Variants in ARPP21 observed in about 807,000 individuals in gnomAD.
The protein encoded by ARPP21 is cAMP regulated phosphoprotein 21.
ARPP21 carries 69 observed loss-of-function variants against 113.2 expected under a neutral mutation model. The observed-to-expected ratio is 0.61, with a 90% CI of 0.50 to 0.74. The LOEUF is 0.74. Among genes scored for constraint, ARPP21 ranks in the 30% least tolerant of loss-of-function variants. The probability of loss-of-function intolerance (pLI) is 0.00; values close to 1 mark genes in which losing one functional copy is unlikely to be tolerated. For synonymous variants in ARPP21, 368 were observed against 375.5 expected (o/e 0.98, Z 0.23); for missense variants, 1,070 against 1,037.4 (o/e 1.03, Z -0.43).
intron 19 of ARPP21, among the ~76,000 whole-genome samples, chr3:35,753,544 T>C (rs2095473021): frequency 6.6e-6 from 1 of 151,978 alleles, no homozygotes; most frequent in Non-Finnish European, 1.5e-5. Flanking sequence ...GGCAGCTCTT[T>C]CCTTCAATCA....
chr3:35,656,843 C>T (rs1559524489), intron 1 of ARPP21, among the ~76,000 whole-genome samples: 2 of 152,026 alleles, frequency 1.3e-5, no homozygotes, highest in African/African-American at 2.4e-5. Context: ...GGCAGAATTA[C>T]ACTACCATTT....
chr3:35,771,699 G>A (rs1429757735), intron 19 of ARPP21, among the ~76,000 whole-genome samples: 2 of 152,110 alleles, frequency 1.3e-5, no homozygotes, highest in Non-Finnish European at 2.9e-5. Flanking sequence ...GGCACCTATT[G>A]TGTGCAGGCA....
intron 1 of ARPP21, among the ~76,000 whole-genome samples, chr3:35,640,702 C>T (rs1482939132): frequency 6.6e-6 from 1 of 152,148 alleles, no homozygotes; most frequent in South Asian, 2.1e-4. Context: ...GTTTGCAATG[C>T]TCTTTTTGAA....
chr3:35,772,808 C>T (rs1278190009), intron 19 of ARPP21, among the ~76,000 whole-genome samples: 1 of 152,144 alleles, frequency 6.6e-6, no homozygotes, highest in Non-Finnish European at 1.5e-5. Context: ...AACAGCTGCA[C>T]AGGCTTGCCT....
chr3:35,714,854 C>T (rs779175936), intron 11 of ARPP21: 4 of 151,364 alleles, frequency 2.6e-5, no homozygotes, highest in Admixed American at 6.6e-5. Flanking sequence ...TTTTAATTAG[C>T]GTATTTTCAT....
chr3:35,748,456 GAAA>G (rs1407847786), intron 19 of ARPP21, among the ~76,000 whole-genome samples: 3 of 137,460 alleles, frequency 2.2e-5, no homozygotes, highest in African/African-American at 2.7e-5. Context: ...AGAAAAGAAA[GAAA>G]AAGAAAGAGA....
chr3:35,671,211 C>A (rs2076266574), intron 1 of ARPP21, among the ~76,000 whole-genome samples: 1 of 152,006 alleles, frequency 6.6e-6, no homozygotes, highest in Non-Finnish European at 1.5e-5. Flanking sequence ...ACTTTTCCTG[C>A]AGTACATCCA....
At chr3:35,789,701 T>G (rs560190824) in intron 19 of ARPP21, among the ~76,000 whole-genome samples, 1 of 152,322 alleles carries the variant, frequency 6.6e-6, no homozygotes, top group African/African-American at 2.4e-5. Flanking sequence ...GCATCTGGGC[T>G]GGCAGCAAAG....
intron 17 of ARPP21, 83 bp from the exon 18 acceptor site, chr3:35,739,234 T>A (rs1379004842): frequency 6.8e-6 from 10 of 1,480,564 alleles, no homozygotes; most frequent in Non-Finnish European, 9.2e-6. Context: ...ACTCCAAGAA[T>A]GTGTCCTGTG....
At chr3:35,745,751 G>A (rs2094996407) in intron 19 of ARPP21, among the ~76,000 whole-genome samples, 1 of 152,094 alleles carries the variant, frequency 6.6e-6, no homozygotes, top group Non-Finnish European at 1.5e-5. Flanking sequence ...AATATATGAG[G>A]CATTTTTTAC....
intron 1 of ARPP21, among the ~76,000 whole-genome samples, chr3:35,673,014 G>GTCA (rs2076715651): frequency 6.6e-6 from 1 of 151,964 alleles, no homozygotes; most frequent in African/African-American, 2.4e-5. Context: ...AATCTACGTA[G>GTCA]AAAACTCAGT....
In ARPP21 at chr3:35,728,970, G is replaced by T. The variant is rs2093753052; in HGVS notation, c.1226-333G>T. ...CATTTCCATGGTACTAACTACTTGGGGATATAGGAGGGATTTTTCAGGTAC... is the reference window on the plus strand; with the variant it reads ...CATTTCCATGGTACTAACTACTTGGTGATATAGGAGGGATTTTTCAGGTAC... On this transcript the variant is annotated intron_variant, in intron 14 of 20. Transcript: ENST00000684406. 2.6e-5 allele frequency among the ~76,000 whole-genome samples: 4 copies of T among 152,120 alleles called. No individual in the cohort carries two copies. In the South Asian group the frequency reaches 8.3e-4, roughly 32 times the overall value.
intron 19 of ARPP21, among the ~76,000 whole-genome samples, chr3:35,784,680 T>C (rs1440103462): frequency 6.6e-6 from 1 of 152,094 alleles, no homozygotes; most frequent in Non-Finnish European, 1.5e-5. Context: ...AGAACAATAT[T>C]ATTGTTAAAC....
chr3:35,658,962 A>G (rs1706351020), intron 1 of ARPP21, among the ~76,000 whole-genome samples: 1 of 152,174 alleles, frequency 6.6e-6, no homozygotes, highest in Admixed American at 6.6e-5. Context: ...TGTTTTAACT[A>G]AGATGCTCTA....
chr3:35,689,382 C>G lies in ARPP21; in HGVS notation c.482C>G (p.Ser161Cys). ...CTGATTAACACATTAAAGAATAATTCCAGGTAAATTATTAAATGAGCCTCT... is the reference window on the plus strand; with the variant it reads ...CTGATTAACACATTAAAGAATAATTGCAGGTAAATTATTAAATGAGCCTCT... Reference protein sequence around the residue: ...EFLINTLKNNSRDRMILLKME... With the variant: ...EFLINTLKNNCRDRMILLKME... Residue 161 changes from serine to cysteine, a missense_variant, in exon 7 of 21, where the codon TCC (serine) becomes TGC (cysteine). Ser to Cys is a moderately radical substitution (Grantham distance 112). Transcript: ENST00000684406. 1 of 1,442,304 alleles carries G rather than the reference C, an allele frequency of 6.9e-7. No individual in the cohort carries two copies. Among genetic ancestry groups the G allele is most frequent in the Non-Finnish European group, 9.8e-7 (1 of 1,024,852 alleles). 89.3% of individuals were successfully genotyped at this position (1,442,304 alleles called of 1,614,324 possible).
chr3:35,687,690 C>G (rs759042564), intron 5 of ARPP21, 49 bp from the exon 6 acceptor site: 2 of 1,536,224 alleles, frequency 1.3e-6, no homozygotes, highest in African/African-American at 2.8e-5. Context: ...GGGAGCCAGA[C>G]AGAGATGATT....
chr3:35,723,379 A>G (rs2150343370), intron 14 of ARPP21, among the ~76,000 whole-genome samples: 1 of 152,334 alleles, frequency 6.6e-6, no homozygotes, highest in Non-Finnish European at 1.5e-5. Flanking sequence ...CAGTCACTAC[A>G]TAATACACAC....
chr3:35,729,374 C>A lies in ARPP21; in HGVS notation c.1297C>A (p.Pro433Thr), dbSNP rs767176294. The A allele has an allele frequency of 7.2e-5, 116 of 1,614,086 alleles. No homozygotes were observed. The highest frequency in any genetic ancestry group is 9.4e-5 in the Non-Finnish European group (111 of 1,180,036). The change falls in exon 15 of 21, where the codon CCC (proline) becomes ACC (threonine). Residue 433 changes from proline (P) to threonine (T), a missense_variant. Coordinates refer to ENST00000684406, the MANE Select transcript of ARPP21 (RefSeq NM_001385562.1). ...CACCCATCCACCTCTCCAGAGCACACCCCTAGTCTCAGGTGTGGCAGCTGG... is the reference window on the plus strand; with the variant it reads ...CACCCATCCACCTCTCCAGAGCACAACCCTAGTCTCAGGTGTGGCAGCTGG... ...SRTHPPLQST[P>T]LVSGVAAGSP...
At chr3:35,697,819 G>T (rs1354511081) in intron 9 of ARPP21, among the ~76,000 whole-genome samples, 1 of 151,590 alleles carries the variant, frequency 6.6e-6, no homozygotes, top group Non-Finnish European at 1.5e-5. Flanking sequence ...AGCAAAATAT[G>T]CTTTTCCTTC....
Sources: gnomAD v4.1 joint callset for allele counts (sites outside exome capture counted in the v4.1 genomes callset) on GRCh38, gnomAD v4.1.1 for gene constraint, MANE v1.5 for transcripts, NCBI Gene and HGNC (gene_info 2026-07-23, HGNC 2026-07-21) for gene names.